Variants in MCTP1 observed in about 807,000 individuals in gnomAD.
The protein encoded by MCTP1 is multiple C2 and transmembrane domain containing 1, also known as multiple C2 and transmembrane domain-containing protein 1.
MCTP1 carries 69 observed loss-of-function variants against 120.6 expected under a neutral mutation model. The ratio of observed to expected loss-of-function variants is 0.57; its 90% confidence interval spans 0.47 to 0.70. The LOEUF is 0.70. Ranked by LOEUF, MCTP1 falls within the 30% of genes least tolerant of loss-of-function variation. MCTP1 has a pLI of 0.00. For synonymous variants in MCTP1, 529 were observed against 493.1 expected (o/e 1.07, Z -0.96); for missense variants, 1,203 against 1,248.8 (o/e 0.96, Z 0.55).
intron 1 of MCTP1, among the ~76,000 whole-genome samples, chr5:95,193,387 T>C (rs1750035621): frequency 6.6e-6 from 1 of 152,226 alleles, no homozygotes; most frequent in Non-Finnish European, 1.5e-5. Flanking sequence ...TACTTTCATT[T>C]ATAGATTATC....
At chr5:94,928,619 G>T (rs1813756988) in intron 6 of MCTP1, among the ~76,000 whole-genome samples, 1 of 152,114 alleles carries the variant, frequency 6.6e-6, no homozygotes, top group African/African-American at 2.4e-5. Flanking sequence ...TTCAAAATGT[G>T]CGTAATAGAA....
intron 19 of MCTP1, among the ~76,000 whole-genome samples, chr5:94,719,982 C>T (rs1237333824): frequency 1.3e-5 from 2 of 151,778 alleles, no homozygotes; most frequent in Non-Finnish European, 2.9e-5. Context: ...CAAAATTAGC[C>T]GGGCGTGGTG....
chr5:94,749,654 CAAAAAAAAAAAAAAAAAAA>C (rs57404381), intron 19 of MCTP1, among the ~76,000 whole-genome samples: 6 of 50,962 alleles, frequency 1.2e-4, no homozygotes, highest in East Asian at 9.8e-4. Flanking sequence ...GACTTCATCT[CAAAAAAAAAAAAAAAAAAA>C]AAAAAAAAAA....
intron 20 of MCTP1, among the ~76,000 whole-genome samples, chr5:94,712,354 T>C (rs374144891): frequency 6.6e-6 from 1 of 152,110 alleles, no homozygotes; most frequent in South Asian, 2.1e-4. Context: ...ATTGTTCATG[T>C]GGATAAATGT....
chr5:95,188,799 A>C (rs1367433028), intron 1 of MCTP1, among the ~76,000 whole-genome samples: 2 of 152,152 alleles, frequency 1.3e-5, no homozygotes, highest in Admixed American at 6.5e-5. Flanking sequence ...AATTGTCTAG[A>C]ACTAAATATA....
chr5:94,843,231 T>A (rs1232256283), intron 17 of MCTP1, among the ~76,000 whole-genome samples: 1 of 151,992 alleles, frequency 6.6e-6, no homozygotes, highest in Admixed American at 6.6e-5. Flanking sequence ...CTTTAAAGGC[T>A]CAAACTCAGA....
chr5:95,276,341 C>A (rs1282482182), intron 1 of MCTP1, among the ~76,000 whole-genome samples: 1 of 136,854 alleles, frequency 7.3e-6, no homozygotes, highest in Admixed American at 8.7e-5. Flanking sequence ...TCATTGCAAC[C>A]TCTGCATCCT....
chr5:95,196,289 T>C (rs1049180884), intron 1 of MCTP1, among the ~76,000 whole-genome samples: 14 of 152,230 alleles, frequency 9.2e-5, no homozygotes, highest in Non-Finnish European at 1.8e-4. Context: ...TCACTGTTTA[T>C]ACTATACTAA....
intron 1 of MCTP1, among the ~76,000 whole-genome samples, chr5:95,256,649 T>C (rs187051903): frequency 7.2e-4 from 109 of 152,316 alleles, no homozygotes; most frequent in African/African-American, 2.6e-3. Flanking sequence ...TATATTATAT[T>C]CTCTCTGTTT....
At chr5:94,724,917 GC>G (rs1761800687) in intron 19 of MCTP1, among the ~76,000 whole-genome samples, 1 of 152,026 alleles carries the variant, frequency 6.6e-6, no homozygotes, top group African/African-American at 2.4e-5. Flanking sequence ...TCTGATAGAA[GC>G]CACAACAGAA....
intron 17 of MCTP1, among the ~76,000 whole-genome samples, chr5:94,855,501 C>T (rs1167264837): frequency 1.3e-5 from 2 of 151,810 alleles, no homozygotes; most frequent in African/African-American, 2.4e-5. Context: ...TAGGTAACTT[C>T]AGTCTGCTAG....
intron 2 of MCTP1, among the ~76,000 whole-genome samples, chr5:94,989,359 G>T (rs1831064274): frequency 6.6e-6 from 1 of 152,214 alleles, no homozygotes; most frequent in African/African-American, 2.4e-5. Flanking sequence ...TACCACAAAT[G>T]TAGTGGCTTA....
intron 1 of MCTP1, among the ~76,000 whole-genome samples, chr5:95,121,400 C>A (rs1391692628): frequency 6.8e-6 from 1 of 146,848 alleles, no homozygotes; most frequent in Non-Finnish European, 1.5e-5. Context: ...ATTCCATTTA[C>A]AATAACCACA....
chr5:94,737,682 T>A (rs1764579986), intron 19 of MCTP1, among the ~76,000 whole-genome samples: 1 of 152,180 alleles, frequency 6.6e-6, no homozygotes. Flanking sequence ...TCAATTAGAA[T>A]TACTTTTGTT....
At chr5:94,895,225 T>TAAA (rs1803668494) in intron 10 of MCTP1, among the ~76,000 whole-genome samples, 1 of 152,174 alleles carries the variant, frequency 6.6e-6, no homozygotes, top group African/African-American at 2.4e-5. Flanking sequence ...GTGTTACCTT[T>TAAA]AAAAAATGGA....
chr5:95,279,772 A>G (rs909937997), intron 1 of MCTP1, among the ~76,000 whole-genome samples: 6 of 152,170 alleles, frequency 3.9e-5, no homozygotes, highest in African/African-American at 1.4e-4. Flanking sequence ...CTTTCTTTGG[A>G]ATAAGCTGAT....
At chr5:95,071,251 A>T (rs1228607576) in intron 1 of MCTP1, among the ~76,000 whole-genome samples, 1 of 152,170 alleles carries the variant, frequency 6.6e-6, no homozygotes, top group East Asian at 1.9e-4. Flanking sequence ...GCAGCCCAAG[A>T]GCGTCTGTCT....
chr5:95,033,676 G>A lies in MCTP1; in HGVS notation c.721-16192C>T, dbSNP rs1019725697. On this transcript the variant is annotated intron_variant, in intron 1 of 22. Coordinates refer to ENST00000515393, the MANE Select transcript of MCTP1 (RefSeq NM_024717.7). The stretch of plus-strand genomic sequence containing the variant: ...CCCTACAAACTGGAACAAGACAGAT[G>A]TCCACTCTTACCACTTCTATTCAAC... Among the ~76,000 whole-genome samples the A allele has an allele frequency of 2.6e-5, 4 of 152,096 alleles. 1 individual carries two copies.
chr5:95,255,666 A>G (rs568361487), intron 1 of MCTP1, among the ~76,000 whole-genome samples: 70 of 152,296 alleles, frequency 4.6e-4, no homozygotes, highest in Middle Eastern at 3.4e-3. Flanking sequence ...AAAATATAAA[A>G]TCAGAAGATG....
Sources: gnomAD v4.1 joint callset for allele counts (sites outside exome capture counted in the v4.1 genomes callset) on GRCh38, gnomAD v4.1.1 for gene constraint, MANE v1.5 for transcripts, NCBI Gene and HGNC (gene_info 2026-07-23, HGNC 2026-07-21) for gene names.